Variants in NELL1 observed in about 807,000 individuals in gnomAD.
The protein encoded by NELL1 is protein kinase C-binding protein NELL1.
Under a neutral mutation model 107.4 loss-of-function variants are expected in NELL1, and 76 were observed. The ratio of observed to expected loss-of-function variants is 0.71; its 90% confidence interval spans 0.59 to 0.86. The LOEUF (loss-of-function observed/expected upper bound fraction) is 0.86, where lower values mean the gene tolerates loss of function less well. Among genes scored for constraint, NELL1 ranks in the 40% least tolerant of loss-of-function variants. The probability of loss-of-function intolerance (pLI) is 0.00; values close to 1 mark genes in which losing one functional copy is unlikely to be tolerated. For missense variants in NELL1, 1,024 were observed against 1,005.5 expected, an observed-to-expected ratio of 1.02 and a Z score of -0.25; for synonymous variants, 353 against 341.2, an observed-to-expected ratio of 1.03 and a Z score of -0.38.
chr11:20,750,562 AATTATT>A (rs113562957), intron 2 of NELL1, among the ~76,000 whole-genome samples: 84,226 of 149,570 alleles, frequency 0.56, 25,322 homozygotes, highest in Middle Eastern at 0.74. Flanking sequence ...TGTACCTCGG[AATTATT>A]ATTATTATTA....
chr11:21,299,557 GTGTGTGTT>G (rs1849449555), intron 14 of NELL1, among the ~76,000 whole-genome samples: 1 of 117,840 alleles, frequency 8.5e-6, no homozygotes, highest in African/African-American at 2.9e-5. Context: ...GTGTGTGTGT[GTGTGTGTT>G]TATTTTTTGG....
intron 4 of NELL1, among the ~76,000 whole-genome samples, chr11:20,877,633 C>T (rs183901553): frequency 2.0e-5 from 3 of 152,312 alleles, no homozygotes; most frequent in Admixed American, 2.0e-4. Flanking sequence ...AGAGAGGTTA[C>T]ACCTTGGGAA....
At position 20,970,357 on chromosome 11, in the gene NELL1, G is replaced by C. The variant is rs151258999; in HGVS notation, c.1300+9797G>C. On this transcript the variant is annotated intron_variant, in intron 12 of 19. Transcript: ENST00000357134. ...CTCATTCTTTAAGTGAAAATTAATTGACCATCTATTGTGGCTGGGTCTTGT... is the reference window on the plus strand; with the variant it reads ...CTCATTCTTTAAGTGAAAATTAATTCACCATCTATTGTGGCTGGGTCTTGT... 7.9e-5 allele frequency among the ~76,000 whole-genome samples: 12 copies of C among 152,224 alleles called. No individual in the cohort carries two copies. The East Asian group carries it at 2.3e-3, about 29-fold the overall frequency.
intron 15 of NELL1, among the ~76,000 whole-genome samples, chr11:21,474,570 G>T (rs141514203): frequency 6.6e-6 from 1 of 152,078 alleles, no homozygotes; most frequent in South Asian, 2.1e-4. Context: ...ATTTATGCAA[G>T]GTTGCCAGTC....
At chr11:21,253,620 C>A (rs75408476) in intron 14 of NELL1, among the ~76,000 whole-genome samples, 1 of 152,096 alleles carries the variant, frequency 6.6e-6, no homozygotes, top group Non-Finnish European at 1.5e-5. Flanking sequence ...ATTAATCCAA[C>A]TTGTGATACT....
intron 2 of NELL1, among the ~76,000 whole-genome samples, chr11:20,771,054 A>C (rs1856630626): frequency 6.6e-6 from 1 of 151,506 alleles, no homozygotes; most frequent in African/African-American, 2.4e-5. Flanking sequence ...GGAGAGAAGA[A>C]ATTACATATT....
intron 14 of NELL1, among the ~76,000 whole-genome samples, chr11:21,317,787 G>A (rs895273517): frequency 9.9e-5 from 15 of 152,152 alleles, no homozygotes; most frequent in African/African-American, 3.1e-4. Flanking sequence ...AATGAGTTCT[G>A]ACCCTGGACA....
intron 14 of NELL1, among the ~76,000 whole-genome samples, chr11:21,368,467 C>G (rs1427912325): frequency 1.3e-5 from 2 of 151,640 alleles, no homozygotes; most frequent in Non-Finnish European, 2.9e-5. Context: ...TTAACCCACA[C>G]TGTAACAAAC....
intron 2 of NELL1, among the ~76,000 whole-genome samples, chr11:20,705,127 A>T (rs1419363970): frequency 6.6e-6 from 1 of 152,198 alleles, no homozygotes; most frequent in African/African-American, 2.4e-5. Context: ...CCATCAAGCT[A>T]CCAATGGCTT....
chr11:21,470,014 A>G (rs1854132763), intron 15 of NELL1, among the ~76,000 whole-genome samples: 1 of 152,072 alleles, frequency 6.6e-6, no homozygotes, highest in Non-Finnish European at 1.5e-5. Context: ...GAAGAATGAA[A>G]CTTGATTAAT....
intron 2 of NELL1, among the ~76,000 whole-genome samples, chr11:20,767,826 G>A (rs1391990086): frequency 6.6e-6 from 1 of 152,200 alleles, no homozygotes; most frequent in Non-Finnish European, 1.5e-5. Flanking sequence ...AGAAAAGACA[G>A]TCCCTGTCTA....
At position 21,246,784 on chromosome 11, in the gene NELL1, C is replaced by T. The variant is rs192683646; in HGVS notation, c.1549+17330C>T. Among the ~76,000 whole-genome samples the T allele has an allele frequency of 4.2e-3, 639 of 152,272 alleles. 3 individuals carry two copies. The highest frequency in any genetic ancestry group is 0.015 in the African/African-American group (608 of 41,560). ...GAGGTTTAATGGACTCACAATTCCA[C>T]GTGGCTGAGGAGGCCTCACAATCAT... On this transcript the variant is annotated intron_variant, in intron 14 of 19. Coordinates refer to ENST00000357134, the MANE Select transcript of NELL1 (RefSeq NM_006157.5).
intron 13 of NELL1, among the ~76,000 whole-genome samples, chr11:21,207,306 G>T (rs867260269): frequency 5.3e-5 from 8 of 152,158 alleles, no homozygotes; most frequent in South Asian, 2.1e-4. Context: ...CAACTCAGAG[G>T]CTCAGAGACA....
rs1226089906 is a variant in NELL1, at chr11:21,221,031, TG to T, written c.1427-8298del. ...TTGCCTATATGGTCTTTATTGTGTC[TG>T]GGTATGCTGATTCTATGCCTAATTC... On this transcript the variant is annotated intron_variant, in intron 13 of 19. Transcript: ENST00000357134. Among the ~76,000 whole-genome samples, 8 of 152,290 alleles carry T rather than the reference TG, an allele frequency of 5.3e-5. No individual in the cohort carries two copies. In the East Asian group the frequency reaches 1.5e-3, roughly 29 times the overall value.
chr11:21,407,844 T>A (rs924091977), intron 15 of NELL1, among the ~76,000 whole-genome samples: 2 of 151,776 alleles, frequency 1.3e-5, no homozygotes, highest in Non-Finnish European at 1.5e-5. Flanking sequence ...CTAAAAAAAA[T>A]TTTCCTTTTC....
intron 15 of NELL1, among the ~76,000 whole-genome samples, chr11:21,487,023 G>T (rs577428561): frequency 2.6e-5 from 4 of 152,208 alleles, no homozygotes; most frequent in East Asian, 3.9e-4. Flanking sequence ...TGGACAAAGA[G>T]ATAATGAAGG....
chr11:21,399,132 G>A (rs994242981), intron 15 of NELL1, among the ~76,000 whole-genome samples: 4 of 151,752 alleles, frequency 2.6e-5, no homozygotes, highest in African/African-American at 9.7e-5. Flanking sequence ...AAGGGCCAAG[G>A]AAAATAAAGC....
intron 15 of NELL1, among the ~76,000 whole-genome samples, chr11:21,404,060 G>A (rs1171489822): frequency 3.1e-5 from 3 of 97,726 alleles, no homozygotes; most frequent in East Asian, 3.1e-4. Context: ...CACGCACACC[G>A]ATTCATAAAT....
chr11:21,433,571 C>T (rs1289124072), intron 15 of NELL1, among the ~76,000 whole-genome samples: 3 of 152,136 alleles, frequency 2.0e-5, no homozygotes, highest in African/African-American at 7.2e-5. Flanking sequence ...AACAGCCATT[C>T]TAACTGGGGT....
Sources: allele counts gnomAD v4.1 joint callset (sites outside exome capture counted in the v4.1 genomes callset), GRCh38; gene constraint gnomAD v4.1.1; transcripts MANE v1.5; gene names NCBI Gene and HGNC (gene_info 2026-07-23, HGNC 2026-07-21).